UIMC1: variants seen among roughly 807,000 people sequenced by gnomAD.
UIMC1 encodes ubiquitin interaction motif containing 1.
In UIMC1, 42 loss-of-function variants were observed where a neutral mutation model predicts 84.9. The observed-to-expected ratio is 0.49, with a 90% confidence interval of 0.39 to 0.64. The LOEUF (loss-of-function observed/expected upper bound fraction) is 0.64. Ranked by LOEUF, UIMC1 falls within the 30% of genes least tolerant of loss-of-function variation. The pLI is 0.00. For synonymous variants in UIMC1, 281 were observed against 293.0 expected, an observed-to-expected ratio of 0.96 and a Z score of 0.42; for missense variants, 825 against 847.6, an observed-to-expected ratio of 0.97 and a Z score of 0.33.
intron 3 of UIMC1, among the ~76,000 whole-genome samples, chr5:176,973,607 T>G (rs1262156632): frequency 7.0e-6 from 1 of 142,530 alleles, no homozygotes; most frequent in African/African-American, 2.6e-5. Context: ...AAGAAAAAAA[T>G]AAATTTTAAA....
chr5:177,006,123 G>A (rs996754082), intron 1 of UIMC1, among the ~76,000 whole-genome samples: 12 of 152,194 alleles, frequency 7.9e-5, no homozygotes, highest in Non-Finnish European at 1.5e-4. Flanking sequence ...CGCGGACCAC[G>A]GCTGAGGGAG....
rs1775318997 is a variant in UIMC1, at chr5:177,006,684, G to A, written c.-43C>T. The A allele has an allele frequency of 6.6e-6, 1 of 152,196 alleles. No individual in the cohort carries two copies. The highest frequency in any genetic ancestry group is 2.4e-5 in the African/African-American group (1 of 41,462). The allele number at this position is 152,196 out of a possible 1,614,324, so 9.4% of individuals were successfully genotyped here. ...CAGGCCGCTCTGTAGACCTTCTCCGGGTTGCCGGGGGTCGCGAGCCGCCAC... is the reference window on the plus strand; with the variant it reads ...CAGGCCGCTCTGTAGACCTTCTCCGAGTTGCCGGGGGTCGCGAGCCGCCAC... On this transcript the variant is annotated 5_prime_UTR_variant, in exon 1 of 15. Transcript: ENST00000511320.
upstream of UIMC1, among the ~76,000 whole-genome samples, chr5:177,009,095 C>T (rs1210635773): frequency 6.6e-5 from 10 of 151,848 alleles, no homozygotes; most frequent in South Asian, 2.1e-3. This position sits in a 1 kb window ranked among gnomAD's most constrained non-coding sequence, Gnocchi z 4.3. Flanking sequence ...CAGCTTCAAA[C>T]TCCTGAGCTC....
At chr5:177,014,247 T>C (rs1184001356) in intron 1 of UIMC1, among the ~76,000 whole-genome samples, 1 of 151,758 alleles carries the variant, frequency 6.6e-6, no homozygotes, top group African/African-American at 2.4e-5. Context: ...AGAGACAGGG[T>C]TTCACTATGT....
At chr5:177,015,543 G>C (rs1775651723) in intron 1 of UIMC1, among the ~76,000 whole-genome samples, 1 of 152,170 alleles carries the variant, frequency 6.6e-6, no homozygotes, top group Non-Finnish European at 1.5e-5. Context: ...GCAGTGATGA[G>C]GAGGAGCAAC....
intron 1 of UIMC1, among the ~76,000 whole-genome samples, chr5:177,003,522 G>A (rs1439378319): frequency 2.6e-5 from 4 of 152,044 alleles, no homozygotes; most frequent in East Asian, 3.9e-4. Context: ...GCATGGTGGT[G>A]CGCGCCTGTG....
intron 6 of UIMC1, among the ~76,000 whole-genome samples, chr5:176,962,001 GC>G (rs1767544332): frequency 3.0e-5 from 2 of 67,590 alleles, no homozygotes; most frequent in Non-Finnish European, 5.9e-5. Flanking sequence ...GGGGGGGTCA[GC>G]CCCCCTGCCC....
intron 2 of UIMC1, among the ~76,000 whole-genome samples, chr5:176,977,582 C>G (rs1173726672): frequency 2.1e-5 from 1 of 47,814 alleles, no homozygotes; most frequent in Non-Finnish European, 4.0e-5. Flanking sequence ...GACTCCATCT[C>G]AAAAAAAAAA....
At chr5:176,972,915 CTTCT>C (rs1194669074) in intron 3 of UIMC1, among the ~76,000 whole-genome samples, 7 of 122,728 alleles carry the variant, frequency 5.7e-5, no homozygotes, top group South Asian at 5.1e-4. Context: ...AGTCTGGCAA[CTTCT>C]TTTTTTTTTT....
At chr5:176,961,862 C>T (rs1767494201) in intron 6 of UIMC1, among the ~76,000 whole-genome samples, 1 of 41,726 alleles carries the variant, frequency 2.4e-5, no homozygotes. Flanking sequence ...AGCCCCTCTG[C>T]CCGGCCAGCC....
At chr5:176,991,917 G>A (rs138523936) in intron 1 of UIMC1, among the ~76,000 whole-genome samples, 2 of 152,110 alleles carry the variant, frequency 1.3e-5, no homozygotes, top group African/African-American at 4.8e-5. Flanking sequence ...GTGAGACAGA[G>A]CGAGACTCCG....
chr5:176,907,234 C>A, intron 12 of UIMC1, 57 bp from the exon 13 acceptor site: 1 of 1,497,064 alleles, frequency 6.7e-7, no homozygotes, highest in Non-Finnish European at 9.2e-7. Context: ...TAAAATACAA[C>A]TTCCACAGCC....
chr5:176,989,320 G>C (rs1772472356), intron 1 of UIMC1, among the ~76,000 whole-genome samples: 1 of 152,042 alleles, frequency 6.6e-6, no homozygotes, highest in African/African-American at 2.4e-5. Flanking sequence ...GTCCTTTTCT[G>C]CATTTAATGC....
intron 8 of UIMC1, among the ~76,000 whole-genome samples, chr5:176,954,989 T>C (rs1424824240): frequency 6.6e-6 from 1 of 152,150 alleles, no homozygotes; most frequent in African/African-American, 2.4e-5. Context: ...TAGGGCAACA[T>C]CTGTATACTT....
At position 176,969,633 on chromosome 5, in the gene UIMC1, T is replaced by C; in HGVS notation, c.431A>G (p.Gln144Arg). 1 of 1,614,124 alleles carries C rather than the reference T, an allele frequency of 6.2e-7. No individual in the cohort carries two copies. Residue 144 changes from glutamine to arginine, a missense_variant, in exon 5 of 15, where the codon CAA (glutamine) becomes CGA (arginine). Coordinates refer to ENST00000511320, the MANE Select transcript of UIMC1 (RefSeq NM_001199298.2). ...LATGPSSQSH[Q>R]EKTTDSGLTE... The stretch of plus-strand genomic sequence containing the variant: ...GAGCCCAGAGTCTGTGGTTTTCTCT[T>C]GATGGGACTGGGAAGACGGTCCAGT...
intron 10 of UIMC1, among the ~76,000 whole-genome samples, chr5:176,927,652 C>T (rs992206405): frequency 1.3e-5 from 2 of 151,944 alleles, no homozygotes; most frequent in Non-Finnish European, 2.9e-5. Flanking sequence ...GGTGGGTGGT[C>T]AAGTTGGAGT....
chr5:176,905,904 AT>A, intron 14 of UIMC1, 106 bp downstream of exon 14: 3 of 1,240,868 alleles, frequency 2.4e-6, no homozygotes, highest in Non-Finnish European at 3.5e-6. Flanking sequence ...TTCCACAGTG[AT>A]TTCTACTGCA....
intron 10 of UIMC1, among the ~76,000 whole-genome samples, chr5:176,920,667 T>C (rs1291212013): frequency 6.6e-6 from 1 of 152,254 alleles, no homozygotes; most frequent in Non-Finnish European, 1.5e-5. Context: ...TTATTAGTTC[T>C]AAAGGCTTGT....
intron 1 of UIMC1, among the ~76,000 whole-genome samples, chr5:177,016,250 G>A (rs545547311): frequency 2.0e-5 from 3 of 152,038 alleles, no homozygotes; most frequent in African/African-American, 7.2e-5. Flanking sequence ...TGTAATCCCA[G>A]CTACTCAGGA....
Sources: allele counts gnomAD v4.1 joint callset (sites outside exome capture counted in the v4.1 genomes callset), GRCh38; gene constraint gnomAD v4.1.1; non-coding constraint Gnocchi (gnomAD v3.1); transcripts MANE v1.5; gene names NCBI Gene and HGNC (gene_info 2026-07-23, HGNC 2026-07-21).